DNAJB14: variants seen among roughly 807,000 people sequenced by gnomAD.
The protein encoded by DNAJB14 is dnaJ homolog subfamily B member 14.
In DNAJB14, 22 loss-of-function variants were observed where a neutral mutation model predicts 48.4. The observed-to-expected ratio is 0.45, with a 90% CI of 0.32 to 0.65. The LOEUF (loss-of-function observed/expected upper bound fraction) is 0.65. DNAJB14 is among the 30% of genes least tolerant of loss of function. The pLI is 0.03. For synonymous variants in DNAJB14, 142 were observed against 158.7 expected (o/e 0.89, Z 0.79); for missense variants, 319 against 458.8 (o/e 0.70, Z 2.78).
chr4:99,906,824 T>A (rs970037561), intron 4 of DNAJB14, among the ~76,000 whole-genome samples: 1 of 152,188 alleles, frequency 6.6e-6, no homozygotes, highest in Non-Finnish European at 1.5e-5. Context: ...CAGGTAGAAG[T>A]TCCTTCTTTA....
intron 2 of DNAJB14, 110 bp downstream of exon 2, chr4:99,930,340 C>A: frequency 8.8e-7 from 1 of 1,140,244 alleles, no homozygotes; most frequent in Non-Finnish European, 1.2e-6. Context: ...GAGTTCAATT[C>A]CTTGATGTCT....
intron 3 of DNAJB14, among the ~76,000 whole-genome samples, chr4:99,918,172 T>A (rs1400820362): frequency 1.4e-4 from 22 of 152,200 alleles, no homozygotes. Flanking sequence ...CTTAGCTTAT[T>A]TTCTATGTTC....
rs1449329400 is a variant in DNAJB14, at chr4:99,897,011, T to C, written c.*4017A>G. ...TATGTTTGAAGCATGGGCCTTATAA[T>C]AGGAATCTCTCCATTAAAATATGAA... On this transcript the variant is annotated 3_prime_UTR_variant, in exon 8 of 8. Coordinates refer to ENST00000442697, the MANE Select transcript of DNAJB14 (RefSeq NM_001031723.4). 6.6e-6 allele frequency: 1 copy of C among 152,058 alleles called. No individual in the cohort carries two copies. Among genetic ancestry groups the C allele is most frequent in the East Asian group, 1.9e-4 (1 of 5,198 alleles). 9.4% of individuals were successfully genotyped at this position (152,058 alleles called of 1,614,324 possible). A position where few individuals can be genotyped will look rare whatever the true frequency, so the allele number is the denominator to read the frequency against.
intron 1 of DNAJB14, among the ~76,000 whole-genome samples, chr4:99,939,856 T>C (rs1726826881): frequency 6.6e-6 from 1 of 152,262 alleles, no homozygotes; most frequent in Admixed American, 6.5e-5. Context: ...TTTGGATTTA[T>C]TAAATGTCTT....
intron 6 of DNAJB14, among the ~76,000 whole-genome samples, chr4:99,904,510 C>T (rs185329826): frequency 6.6e-6 from 1 of 152,054 alleles, no homozygotes; most frequent in Admixed American, 6.6e-5. Context: ...ATATATAAAA[C>T]ATAAATTTCA....
intron 5 of DNAJB14, 45 bp from the exon 6 acceptor site, chr4:99,905,751 G>T (rs967230111): frequency 6.4e-7 from 1 of 1,563,762 alleles, no homozygotes. Context: ...TATAACTGTA[G>T]TTGTTAATAA....
In DNAJB14 at chr4:99,946,599, G is replaced by A; in HGVS notation, c.-28C>T. On this transcript the variant is annotated 5_prime_UTR_variant, in exon 1 of 8. Coordinates refer to ENST00000442697, the MANE Select transcript of DNAJB14 (RefSeq NM_001031723.4). ...CTTGCTCCTTCTTCCGTTTCCTCCG[G>A]CAGCGCAGCTAAGAAGGGCGGAAGC... The A allele has an allele frequency of 6.2e-6, 10 of 1,611,522 alleles. No homozygotes were observed. Among genetic ancestry groups the A allele is most frequent in the Non-Finnish European group, 8.5e-6 (10 of 1,178,348 alleles).
At chr4:99,924,611 A>G in intron 2 of DNAJB14, 1 of 912,264 alleles carries the variant, frequency 1.1e-6, no homozygotes, top group South Asian at 2.0e-5. Flanking sequence ...AATACTAACT[A>G]TGCCCAGACA....
chr4:99,915,713 C>T (rs892769301), intron 3 of DNAJB14, among the ~76,000 whole-genome samples: 10 of 152,038 alleles, frequency 6.6e-5, no homozygotes, highest in South Asian at 2.1e-4. Context: ...TGTTGTTGAG[C>T]GGTATGTTGT....
rs562068950 is a variant in DNAJB14, at chr4:99,899,395, CTT to C, written c.*1631_*1632del. On this transcript the variant is annotated 3_prime_UTR_variant, in exon 8 of 8. Transcript: ENST00000442697. ...AAATTGTATTTTCTCTTAAGCACTG[CTT>C]TTTTTTTTTTTTTAAGGTAACATTT... 6.8e-3 allele frequency: 933 copies of C among 137,858 alleles called. 2 individuals carry two copies. The highest frequency in any genetic ancestry group is 0.01 in the Non-Finnish European group (647 of 62,766). The allele number at this position is 137,858 out of a possible 1,614,324, so 8.5% of individuals were successfully genotyped here.
chr4:99,943,260 A>G (rs1336080941), intron 1 of DNAJB14, among the ~76,000 whole-genome samples: 1 of 152,200 alleles, frequency 6.6e-6, no homozygotes, highest in Non-Finnish European at 1.5e-5. Context: ...TTTTTGGACT[A>G]CACAGTTATC....
chr4:99,906,367 T>A (rs1232617064), intron 5 of DNAJB14, 150 bp downstream of exon 5: 23 of 921,158 alleles, frequency 2.5e-5, no homozygotes, highest in Non-Finnish European at 3.5e-5. Context: ...ATTCCTACAA[T>A]GTCCCTAAGG....
intron 4 of DNAJB14, 56 bp from the exon 5 acceptor site, chr4:99,906,667 AC>A: frequency 7.2e-7 from 1 of 1,395,240 alleles, no homozygotes; most frequent in South Asian, 1.2e-5. Context: ...CAGAAAAAAT[AC>A]ATTTTCTTTC....
intron 2 of DNAJB14, chr4:99,925,342 C>T (rs1290438917): frequency 6.6e-6 from 1 of 152,244 alleles, no homozygotes; most frequent in Non-Finnish European, 1.5e-5. Flanking sequence ...GATGCAGAAC[C>T]CATAGATGTG....
chr4:99,920,438 C>A (rs751365204), intron 3 of DNAJB14, among the ~76,000 whole-genome samples: 1 of 152,108 alleles, frequency 6.6e-6, no homozygotes. Context: ...TAATCCATGC[C>A]CCATTATTAC....
chr4:99,943,819 C>T (rs182081393), intron 1 of DNAJB14, among the ~76,000 whole-genome samples: 1 of 152,070 alleles, frequency 6.6e-6, no homozygotes, highest in African/African-American at 2.4e-5. Context: ...AAATAATTAA[C>T]TCCTGGCAAT....
rs1455934319 is a variant in DNAJB14 at position 99,900,637 on chromosome 4, C to T, written c.*391G>A. The T allele has an allele frequency of 6.5e-6, 1 of 154,818 alleles. No individual in the cohort carries two copies. The highest frequency in any genetic ancestry group is 1.9e-4 in the East Asian group (1 of 5,290). The allele number at this position is 154,818 out of a possible 1,614,324, so 9.6% of individuals were successfully genotyped here. ...AACTGAAGTGTCTCATGGAGCTAAA[C>T]ACTAAAAGAATTTAAATAAAAAAGC... On this transcript the variant is annotated 3_prime_UTR_variant, in exon 8 of 8. Coordinates refer to ENST00000442697, the MANE Select transcript of DNAJB14 (RefSeq NM_001031723.4).
At chr4:99,931,843 C>A (rs1726482316) in intron 1 of DNAJB14, among the ~76,000 whole-genome samples, 1 of 150,614 alleles carries the variant, frequency 6.6e-6, no homozygotes, top group Non-Finnish European at 1.5e-5. Flanking sequence ...AAAGAAAAAA[C>A]AAAATAAAAA....
intron 3 of DNAJB14, among the ~76,000 whole-genome samples, chr4:99,922,216 C>T (rs1019118795): frequency 6.6e-6 from 1 of 152,098 alleles, no homozygotes; most frequent in African/African-American, 2.4e-5. Flanking sequence ...ACAATCTTAA[C>T]GGTATTTTCA....
Sources: gnomAD v4.1 joint callset for allele counts (sites outside exome capture counted in the v4.1 genomes callset) on GRCh38, gnomAD v4.1.1 for gene constraint, MANE v1.5 for transcripts, NCBI Gene and HGNC (gene_info 2026-07-23, HGNC 2026-07-21) for gene names.